MARCHF2: variants seen among roughly 807,000 people sequenced by gnomAD.
MARCHF2 encodes membrane associated ring-CH-type finger 2, also known as E3 ubiquitin-protein ligase MARCHF2.
In MARCHF2, 22 loss-of-function variants were observed where a neutral mutation model predicts 24.0. That is an observed-to-expected ratio of 0.92 (90% CI 0.66 to 1.31). The LOEUF is 1.31. Ranked by LOEUF, MARCHF2 falls within the 50% of genes most tolerant of loss-of-function variation. The pLI is 0.00. For missense variants in MARCHF2, 301 were observed against 335.3 expected, an observed-to-expected ratio of 0.90 and a Z score of 0.80; for synonymous variants, 154 against 153.0, an observed-to-expected ratio of 1.01 and a Z score of -0.05.
chr19:8,415,755 A>AC (rs1367878241), intron 1 of MARCHF2, among the ~76,000 whole-genome samples: 1 of 120,518 alleles, frequency 8.3e-6, no homozygotes, highest in African/African-American at 2.8e-5. Flanking sequence ...AAAAAAAAAA[A>AC]CCAGACAAAA....
intron 4 of MARCHF2, among the ~76,000 whole-genome samples, chr19:8,436,147 T>G (rs1302192082): frequency 6.6e-6 from 1 of 151,966 alleles, no homozygotes; most frequent in African/African-American, 2.4e-5. Context: ...CTATTTTTTT[T>G]TTTGGGGGGG....
intron 4 of MARCHF2, among the ~76,000 whole-genome samples, chr19:8,437,901 C>T (rs1967773281): frequency 6.6e-6 from 1 of 151,936 alleles, no homozygotes; most frequent in Non-Finnish European, 1.5e-5. Flanking sequence ...CGTGCCACCA[C>T]GCCAGGCTAA....
At chr19:8,414,636 A>T (rs77823910) in intron 1 of MARCHF2, among the ~76,000 whole-genome samples, 11,472 of 152,260 alleles carry the variant, frequency 0.075, 575 homozygotes, top group Middle Eastern at 0.13. Context: ...CAGCTGCCTG[A>T]GACCACAATG....
intron 2 of MARCHF2, among the ~76,000 whole-genome samples, chr19:8,423,999 A>AAG (rs1568237296): frequency 6.6e-6 from 1 of 151,194 alleles, no homozygotes. Flanking sequence ...AAAAAAAAAA[A>AAG]AAAAGAAAGA....
intron 4 of MARCHF2, 25 bp from the exon 5 acceptor site, chr19:8,438,363 C>T (rs1199840573): frequency 9.9e-6 from 16 of 1,611,616 alleles, no homozygotes; most frequent in African/African-American, 1.3e-5. Flanking sequence ...TGGAGGCCTC[C>T]GCTCACTGCA....
chr19:8,427,520 A>G (rs1367807548), intron 3 of MARCHF2, among the ~76,000 whole-genome samples: 1 of 60,856 alleles, frequency 1.6e-5, no homozygotes, highest in African/African-American at 5.8e-5. Flanking sequence ...GAGGTTACAG[A>G]AAAAAAAAAA....
At chr19:8,421,382 CTT>C (rs1254772289) in intron 1 of MARCHF2, among the ~76,000 whole-genome samples, 5,450 of 111,418 alleles carry the variant, frequency 0.049, 59 homozygotes, top group African/African-American at 0.11. Context: ...TCTTTCTTTT[CTT>C]TTTTTTTTTT....
At chr19:8,419,543 G>A (rs565123474) in intron 1 of MARCHF2, among the ~76,000 whole-genome samples, 70 of 151,416 alleles carry the variant, frequency 4.6e-4, no homozygotes, top group East Asian at 3.9e-3. Context: ...TTGGCCGGGC[G>A]CGGTGGCTCA....
chr19:8,431,741 G>C (rs1967592399), intron 4 of MARCHF2, among the ~76,000 whole-genome samples: 1 of 152,014 alleles, frequency 6.6e-6, no homozygotes, highest in African/African-American at 2.4e-5. Context: ...GGGAGGCTGA[G>C]GCAGGAGAAT....
In MARCHF2 at chr19:8,426,756, G is replaced by A. The variant is rs754272316; in HGVS notation, c.324G>A (p.Leu108=). ...CATCTAACACCAGCTACTGCGAGCT[G>A]TGCCACACGGAGTTTGCAGTGGAGA... ...LSSSNTSYCE[L]CHTEFAVEKR... Residue 108 remains leucine, a synonymous_variant, in exon 3 of 5, where the codon CTG becomes CTA. Transcript: ENST00000215555. 2.4e-5 allele frequency: 39 copies of A among 1,612,514 alleles called. No homozygotes were observed. The South Asian group carries it at 4.3e-4, about 18-fold the overall frequency.
chr19:8,438,364 GCTCA>G lies in MARCHF2; in HGVS notation c.583-21_583-18del. The G allele has an allele frequency of 6.2e-7, 1 of 1,611,628 alleles. No individual in the cohort carries two copies. The highest frequency in any genetic ancestry group is 8.5e-7 in the Non-Finnish European group (1 of 1,179,326). Reference sequence around the variant, plus strand: ...TCCTCCCTTGCGGGTGGAGGCCTCCGCTCACTGCAGGGCTGCCCCACAGGTCTCC... The same window carrying G: ...TCCTCCCTTGCGGGTGGAGGCCTCCGCTGCAGGGCTGCCCCACAGGTCTCC... On this transcript the variant is annotated intron_variant, in intron 4 of 4. Transcript: ENST00000215555.
chr19:8,434,085 T>TC (rs1264547767), intron 4 of MARCHF2, among the ~76,000 whole-genome samples: 4 of 146,390 alleles, frequency 2.7e-5, no homozygotes, highest in African/African-American at 9.9e-5. Flanking sequence ...GCATTTCTTT[T>TC]TTTTTTTTTT....
Position 8,438,787 on chromosome 19 carries a change from A to G in MARCHF2, c.*241A>G, listed in dbSNP as rs1967802496. ...AGGTGGACATGGTCCTGAGCTCTGG[A>G]CGGAGCAGGCACCCTGATCTCATTC... On this transcript the variant is annotated 3_prime_UTR_variant, in exon 5 of 5. Transcript: ENST00000215555. 9.3e-6 allele frequency: 4 copies of G among 430,614 alleles called. No individual in the cohort carries two copies. The highest frequency in any genetic ancestry group is 1.6e-5 in the Non-Finnish European group (4 of 244,274). 26.7% of individuals were successfully genotyped at this position (430,614 alleles called of 1,614,324 possible).
chr19:8,435,080 G>A (rs1010033069), intron 4 of MARCHF2, among the ~76,000 whole-genome samples: 4 of 146,524 alleles, frequency 2.7e-5, no homozygotes, highest in Admixed American at 7.0e-5. Flanking sequence ...GTGTAGTGAC[G>A]CGATCTTGGC....
chr19:8,429,296 G>A (rs1967509471), intron 3 of MARCHF2, among the ~76,000 whole-genome samples: 1 of 151,760 alleles, frequency 6.6e-6, no homozygotes, highest in African/African-American at 2.4e-5. Context: ...GGCCCTTTCT[G>A]TCTCATCCAC....
Position 8,430,693 on chromosome 19 carries a change from G to A in MARCHF2, c.408G>A (p.Arg136=), listed in dbSNP as rs1034362142. The change falls in exon 4 of 5, where the codon CGG becomes CGA. Residue 136 remains arginine (R), a synonymous_variant. Coordinates refer to ENST00000215555, the MANE Select transcript of MARCHF2 (RefSeq NM_001005415.2). The surrounding 1 kb of genome is among the most constrained non-coding windows in gnomAD (Gnocchi z 4.4). ...LKDPGPRTEK[R]TLCCDMVCFL... ...ACCCGGGGCCGCGGACGGAGAAGCG[G>A]ACACTGTGCTGCGACATGGTGTGTT... The A allele has an allele frequency of 4.3e-6, 7 of 1,610,662 alleles. No homozygotes were observed. The highest frequency in any genetic ancestry group is 5.9e-6 in the Non-Finnish European group (7 of 1,179,924).
chr19:8,421,145 CAG>C (rs1179816174), intron 1 of MARCHF2, among the ~76,000 whole-genome samples: 1 of 147,234 alleles, frequency 6.8e-6, no homozygotes, highest in African/African-American at 2.5e-5. Flanking sequence ...TTTTTTGAGA[CAG>C]AGTCTTGCTC....
chr19:8,436,139 A>AT (rs902215657), intron 4 of MARCHF2, among the ~76,000 whole-genome samples: 77 of 143,350 alleles, frequency 5.4e-4, no homozygotes, highest in East Asian at 1.2e-3. Flanking sequence ...TGTATTCACT[A>AT]TTTTTTTTTT....
At chr19:8,424,574 G>A (rs1364141004) in intron 2 of MARCHF2, among the ~76,000 whole-genome samples, 1 of 152,082 alleles carries the variant, frequency 6.6e-6, no homozygotes, top group Admixed American at 6.6e-5. Flanking sequence ...GGCTGAGGCA[G>A]GAGAATGGCA....
Sources: allele counts gnomAD v4.1 joint callset (sites outside exome capture counted in the v4.1 genomes callset), GRCh38; gene constraint gnomAD v4.1.1; non-coding constraint Gnocchi (gnomAD v3.1); transcripts MANE v1.5; gene names NCBI Gene and HGNC (gene_info 2026-07-23, HGNC 2026-07-21).